Variants in ASIC2 observed in about 807,000 individuals in gnomAD.
The protein encoded by ASIC2 is acid sensing ion channel subunit 2.
In ASIC2, 25 loss-of-function variants were observed where a neutral mutation model predicts 57.3. The ratio of observed to expected loss-of-function variants is 0.44; its 90% CI spans 0.32 to 0.61. The LOEUF is 0.61. Among genes scored for constraint, ASIC2 ranks in the 20% least tolerant of loss-of-function variants. The probability of loss-of-function intolerance (pLI) is 0.06; values close to 1 mark genes in which losing one functional copy is unlikely to be tolerated. For missense variants in ASIC2, 641 were observed against 738.1 expected, an observed-to-expected ratio of 0.87 and a Z score of 1.52; for synonymous variants, 319 against 307.5, an observed-to-expected ratio of 1.04 and a Z score of -0.39.
At chr17:33,860,367 G>T (rs1378317662) in intron 1 of ASIC2, among the ~76,000 whole-genome samples, 2 of 152,164 alleles carry the variant, frequency 1.3e-5, no homozygotes, top group Admixed American at 6.5e-5. Flanking sequence ...TCTAGTGGTG[G>T]AGTCAGTGAC....
intron 1 of ASIC2, among the ~76,000 whole-genome samples, chr17:34,103,187 C>A (rs978502999): frequency 6.6e-6 from 1 of 151,896 alleles, no homozygotes; most frequent in African/African-American, 2.4e-5. Context: ...ATTTAGTCAC[C>A]CAGGTTGAAA....
At chr17:33,229,352 G>T (rs193194448) in intron 1 of ASIC2, among the ~76,000 whole-genome samples, 6 of 152,316 alleles carry the variant, frequency 3.9e-5, no homozygotes, top group Non-Finnish European at 7.3e-5. Context: ...GCTGAGAGCT[G>T]GGGAAGGGTC....
chr17:33,443,868 C>T (rs140413043), intron 1 of ASIC2, among the ~76,000 whole-genome samples: 2,393 of 152,278 alleles, frequency 0.016, 31 homozygotes, highest in Middle Eastern at 0.034. Flanking sequence ...TGCTGTGCAG[C>T]TGCTTATATC....
At chr17:33,124,607 G>A (rs1215603780) in intron 1 of ASIC2, among the ~76,000 whole-genome samples, 2 of 152,160 alleles carry the variant, frequency 1.3e-5, no homozygotes, top group Non-Finnish European at 2.9e-5. Context: ...CTGAAAGTGG[G>A]GAAGGGTTTG....
intron 1 of ASIC2, chr17:34,002,886 A>T (rs2142016268): frequency 6.6e-6 from 1 of 152,346 alleles, no homozygotes; most frequent in African/African-American, 2.4e-5. Flanking sequence ...GTTATCTATC[A>T]TTAATCTCAC....
chr17:33,014,812 G>C (rs2091797061), intron 9 of ASIC2, among the ~76,000 whole-genome samples: 1 of 152,224 alleles, frequency 6.6e-6, no homozygotes, highest in African/African-American at 2.4e-5. Context: ...GGCTCTGGGG[G>C]TGCAAAGGGA....
chr17:34,084,825 A>G (rs2142082239), intron 1 of ASIC2, among the ~76,000 whole-genome samples: 1 of 152,280 alleles, frequency 6.6e-6, no homozygotes, highest in East Asian at 1.9e-4. Context: ...GAGTTCACTC[A>G]TGATTTGGCT....
chr17:33,116,509 A>G (rs150638371), intron 1 of ASIC2, among the ~76,000 whole-genome samples: 1 of 152,316 alleles, frequency 6.6e-6, no homozygotes, highest in East Asian at 1.9e-4. Context: ...TGACAGGCCC[A>G]CTGTGGATGG....
chr17:33,425,716 A>G (rs545474586), intron 1 of ASIC2, among the ~76,000 whole-genome samples: 2 of 152,156 alleles, frequency 1.3e-5, no homozygotes, highest in African/African-American at 2.4e-5. Context: ...GGGATAGACC[A>G]GTAGTTAGGC....
At chr17:33,934,383 G>A (rs1233165486) in intron 1 of ASIC2, among the ~76,000 whole-genome samples, 1 of 152,136 alleles carries the variant, frequency 6.6e-6, no homozygotes, top group African/African-American at 2.4e-5. Flanking sequence ...AAGCACTTGT[G>A]TGTGCCAGGT....
At chr17:33,143,802 A>G (rs1317771312) in intron 1 of ASIC2, among the ~76,000 whole-genome samples, 4 of 152,278 alleles carry the variant, frequency 2.6e-5, no homozygotes, top group South Asian at 2.1e-4. Context: ...TGGAAATGTA[A>G]TTGAAGAAAA....
chr17:34,145,241 A>T (rs1912385552), intron 1 of ASIC2, among the ~76,000 whole-genome samples: 1 of 152,162 alleles, frequency 6.6e-6, no homozygotes, highest in Non-Finnish European at 1.5e-5. Flanking sequence ...CACCATTCTT[A>T]TTCCTGACTT....
In ASIC2 at chr17:33,040,972, C is replaced by T. The variant is rs146099167; in HGVS notation, c.988-12580G>A. Among the ~76,000 whole-genome samples, 922 of 152,202 alleles carry T rather than the reference C, an allele frequency of 6.1e-3. 11 individuals are homozygous for T. The highest frequency in any genetic ancestry group is 0.018 in the African/African-American group (738 of 41,522). Reference sequence around the variant, plus strand: ...AAAGACTTCATTAATTCCTAGGATGCGTCAGGCACAGGGCCAGACACTGGG... The same window carrying T: ...AAAGACTTCATTAATTCCTAGGATGTGTCAGGCACAGGGCCAGACACTGGG... On this transcript the variant is annotated intron_variant, in intron 3 of 9. Transcript: ENST00000225823.
At chr17:33,796,842 A>G (rs1597879627) in intron 1 of ASIC2, among the ~76,000 whole-genome samples, 2 of 152,234 alleles carry the variant, frequency 1.3e-5, no homozygotes, top group East Asian at 3.9e-4. Context: ...TGGCTCACTC[A>G]TGTACTAAAG....
intron 1 of ASIC2, among the ~76,000 whole-genome samples, chr17:33,904,870 C>T (rs1915313940): frequency 6.6e-6 from 1 of 152,202 alleles, no homozygotes; most frequent in Non-Finnish European, 1.5e-5. Flanking sequence ...CCACACTCTT[C>T]TTGCGAGCAG....
Position 33,674,878 on chromosome 17 carries a change from G to A in ASIC2, c.555+481100C>T, listed in dbSNP as rs145692972. On this transcript the variant is annotated intron_variant, in intron 1 of 9. Transcript: ENST00000359872. ...TTGTGGTCTGAGCCCAGAAATTGAG[G>A]AATCACGTGACCTTGGGTAACTCAT... 1.6e-3 allele frequency among the ~76,000 whole-genome samples: 241 copies of A among 152,280 alleles called. 6 individuals are homozygous for A. The East Asian group carries it at 0.045, about 29-fold the overall frequency.
chr17:33,039,713 C>A (rs1262875948), intron 3 of ASIC2, among the ~76,000 whole-genome samples: 1 of 152,182 alleles, frequency 6.6e-6, no homozygotes, highest in Non-Finnish European at 1.5e-5. Flanking sequence ...AGCATTAGAA[C>A]ACACAGAAGA....
chr17:33,676,040 CTTA>C (rs1388303851), intron 1 of ASIC2, among the ~76,000 whole-genome samples: 6 of 152,140 alleles, frequency 3.9e-5, no homozygotes, highest in Admixed American at 6.5e-5. Context: ...TTCAAACTTT[CTTA>C]TTATTACTGT....
chr17:33,216,940 G>A (rs1473070204), intron 1 of ASIC2, among the ~76,000 whole-genome samples: 1 of 151,914 alleles, frequency 6.6e-6, no homozygotes, highest in African/African-American at 2.4e-5. Flanking sequence ...GAGAGAGGGA[G>A]GCAGTTGGGA....
Sources: allele counts gnomAD v4.1 joint callset (sites outside exome capture counted in the v4.1 genomes callset), GRCh38; gene constraint gnomAD v4.1.1; transcripts MANE v1.5; gene names NCBI Gene and HGNC (gene_info 2026-07-23, HGNC 2026-07-21).